The following ACSL4 variants were observed in gnomAD, a reference collection of about 807,000 sequenced individuals.
ACSL4 encodes the protein acyl-CoA synthetase long chain family member 4, also known as long-chain-fatty-acid--CoA ligase 4.
ACSL4 carries 9 observed loss-of-function variants against 49.1 expected under a neutral mutation model. The observed-to-expected ratio is 0.18, with a 90% CI of 0.11 to 0.32. The LOEUF (loss-of-function observed/expected upper bound fraction) is 0.32. Among genes scored for constraint, ACSL4 ranks in the 10% least tolerant of loss-of-function variants. The pLI is 1.00. For synonymous variants in ACSL4, 191 were observed against 170.3 expected (o/e 1.12, Z -0.95); for missense variants, 333 against 493.7 (o/e 0.67, Z 3.08).
At chrX:109,699,620 G>A (rs1925718619) in intron 1 of ACSL4, among the ~76,000 whole-genome samples, 1 of 111,650 alleles carries the variant, frequency 9.0e-6, no homozygotes, top group Non-Finnish European at 1.9e-5. Flanking sequence ...ACATATATTT[G>A]AGTGTTACAT....
chrX:109,678,681 T>C (rs1342501853), intron 6 of ACSL4, among the ~76,000 whole-genome samples: 1 of 111,762 alleles, frequency 8.9e-6, no homozygotes, highest in Admixed American at 9.5e-5. Context: ...ACTAAAAAAG[T>C]TAGCCGGATG....
chrX:109,690,691 C>T (rs773619423), intron 2 of ACSL4, among the ~76,000 whole-genome samples: 5 of 103,729 alleles, frequency 4.8e-5, no homozygotes, highest in African/African-American at 1.8e-4. Context: ...GAGTGACAAA[C>T]TTTGGGTATG....
chrX:109,641,516 C>A lies in ACSL4; in HGVS notation c.*2513G>T, dbSNP rs1463725965. ...ACTGCATTTAAAAATTAAAATATTT[C>A]TCTCCAAATCCAAAACACCACACAA... On this transcript the variant is annotated 3_prime_UTR_variant, in exon 16 of 16. Coordinates refer to ENST00000672401, the MANE Select transcript of ACSL4 (RefSeq NM_001318510.2). 2 of 112,651 alleles carry A rather than the reference C, an allele frequency of 1.8e-5. No homozygotes were observed. Among genetic ancestry groups the A allele is most frequent in the East Asian group, 2.8e-4 (1 of 3,623 alleles). The allele number at this position is 112,651 out of a possible 1,213,427, so 9.3% of individuals were successfully genotyped here.
Position 109,697,710 on chromosome X carries a change from TGG to T in ACSL4, c.-65-1516_-65-1515del, listed in dbSNP as rs11322335. On this transcript the variant is annotated intron_variant, in intron 1 of 15. Transcript: ENST00000672401. ...AGAAGGCTAACATTTGCTATTGACATGGGGGGGGGGGCGCGGGGAACTTGCAT... is the reference window on the plus strand; with the variant it reads ...AGAAGGCTAACATTTGCTATTGACATGGGGGGGGGCGCGGGGAACTTGCAT... Among the ~76,000 whole-genome samples the T allele has an allele frequency of 7.1e-3, 467 of 65,429 alleles. 2 individuals carry two copies. Among genetic ancestry groups the T allele is most frequent in the African/African-American group, 0.024 (413 of 17,235 alleles). 56.8% of individuals were successfully genotyped at this position (65,429 alleles called of 115,157 possible).
intron 2 of ACSL4, among the ~76,000 whole-genome samples, chrX:109,690,754 T>C: frequency 1.1e-5 from 1 of 92,609 alleles, no homozygotes; most frequent in Non-Finnish European, 2.2e-5. Flanking sequence ...TCCTAAGACA[T>C]TTTAGGGGGG....
chrX:109,646,500 C>A (rs1421078178), intron 15 of ACSL4, among the ~76,000 whole-genome samples: 5 of 109,020 alleles, frequency 4.6e-5, no homozygotes, highest in Non-Finnish European at 9.6e-5. Context: ...CAGGCCTGCC[C>A]TAAAAGAGCT....
intron 8 of ACSL4, among the ~76,000 whole-genome samples, 194 bp downstream of exon 8, chrX:109,677,794 T>A (rs966135100): frequency 3.6e-5 from 4 of 111,744 alleles, no homozygotes; most frequent in African/African-American, 1.3e-4. Flanking sequence ...AAAATAATTT[T>A]AAAATATATA....
chrX:109,684,529 G>A (rs1272052079), intron 2 of ACSL4, among the ~76,000 whole-genome samples: 3 of 112,241 alleles, frequency 2.7e-5, no homozygotes, highest in Non-Finnish European at 5.6e-5. Context: ...ACAGGGTTTG[G>A]GGATGTCCAG....
chrX:109,712,631 T>G (rs1926829196), intron 1 of ACSL4, among the ~76,000 whole-genome samples: 1 of 111,348 alleles, frequency 9.0e-6, no homozygotes, highest in Non-Finnish European at 1.9e-5. Flanking sequence ...GTGGCATAGG[T>G]GGGGAAAATA....
chrX:109,724,753 A>G (rs1185619983), intron 1 of ACSL4, among the ~76,000 whole-genome samples: 1 of 109,161 alleles, frequency 9.2e-6, no homozygotes, highest in Non-Finnish European at 1.9e-5. Flanking sequence ...CTCTACTAAA[A>G]ATACAAAAAT....
In ACSL4 at chrX:109,683,383, T is replaced by C; in HGVS notation, c.-12-8A>G. ...TGCCATAGCGTTTTTCTTCTTGGCA[T>C]TGGTAAGAAAATACCATGGAATAAA... On this transcript the variant is annotated splice_polypyrimidine_tract_variant and splice_region_variant and intron_variant, in intron 2 of 15. Coordinates refer to ENST00000672401, the MANE Select transcript of ACSL4 (RefSeq NM_001318510.2). The C allele has an allele frequency of 8.3e-7, 1 of 1,210,855 alleles. No homozygotes were observed. Among genetic ancestry groups the C allele is most frequent in the Non-Finnish European group, 1.1e-6 (1 of 894,528 alleles).
chrX:109,685,830 C>T (rs927758072), intron 2 of ACSL4, among the ~76,000 whole-genome samples: 7 of 109,435 alleles, frequency 6.4e-5, no homozygotes, highest in Admixed American at 2.0e-4. Context: ...AACGAGGAAC[C>T]CAATTCCCCT....
chrX:109,649,245 T>A (rs1413506950), intron 15 of ACSL4, among the ~76,000 whole-genome samples: 1 of 111,341 alleles, frequency 9.0e-6, no homozygotes, highest in Non-Finnish European at 1.9e-5. Flanking sequence ...AGAACAAAGC[T>A]GGGGGCATCA....
At chrX:109,648,364 T>A (rs1258080521) in intron 15 of ACSL4, among the ~76,000 whole-genome samples, 1 of 111,784 alleles carries the variant, frequency 8.9e-6, no homozygotes, top group Non-Finnish European at 1.9e-5. Context: ...GCAAGGCTGG[T>A]TTAATATACG....
At chrX:109,689,469 C>T (rs1222661527) in intron 2 of ACSL4, among the ~76,000 whole-genome samples, 1 of 112,046 alleles carries the variant, frequency 8.9e-6, no homozygotes, top group African/African-American at 3.2e-5. Context: ...GAAGTCCTTA[C>T]TACAACCTAC....
chrX:109,665,547 C>T, intron 11 of ACSL4, 53 bp from the exon 12 acceptor site: 5 of 980,627 alleles, frequency 5.1e-6, no homozygotes, highest in Admixed American at 2.2e-5. Flanking sequence ...CAGATTTGTA[C>T]CAATGCACTG....
At chrX:109,715,013 G>A (rs1026495690) in intron 1 of ACSL4, among the ~76,000 whole-genome samples, 3 of 111,993 alleles carry the variant, frequency 2.7e-5, no homozygotes, top group African/African-American at 6.5e-5. Flanking sequence ...GGGAGGCTGA[G>A]GTAGGGGGGA....
chrX:109,655,821 C>G (rs1921597402), intron 15 of ACSL4, among the ~76,000 whole-genome samples: 1 of 111,497 alleles, frequency 9.0e-6, no homozygotes, highest in Admixed American at 9.5e-5. Flanking sequence ...GGATGCAACA[C>G]TGGAGCTGGA....
At chrX:109,682,170 C>T (rs1226625682) in intron 4 of ACSL4, among the ~76,000 whole-genome samples, 1 of 111,849 alleles carries the variant, frequency 8.9e-6, no homozygotes, top group East Asian at 2.8e-4. Flanking sequence ...ATTCAACAAA[C>T]AACAGAGTAC....
Sources: allele counts gnomAD v4.1 joint callset (sites outside exome capture counted in the v4.1 genomes callset), GRCh38; gene constraint gnomAD v4.1.1; transcripts MANE v1.5; gene names NCBI Gene and HGNC (gene_info 2026-07-23, HGNC 2026-07-21).